TBKBP1: variants seen among roughly 807,000 people sequenced by gnomAD.
TBKBP1 encodes the protein TBK1 binding protein 1, also known as TANK-binding kinase 1-binding protein 1.
A neutral mutation model predicts 69.9 loss-of-function variants in TBKBP1; 47 were observed. That is an observed-to-expected ratio of 0.67 (90% confidence interval 0.53 to 0.86). TBKBP1 has a LOEUF of 0.86. Ranked by LOEUF, TBKBP1 falls within the 40% of genes least tolerant of loss-of-function variation. The pLI is 0.00. For synonymous variants in TBKBP1, 418 were observed against 390.3 expected (o/e 1.07, Z -0.84); for missense variants, 831 against 858.6 (o/e 0.97, Z 0.40).
rs1172194965 is a variant in TBKBP1 at position 47,703,782 on chromosome 17, ATTTACC to A, written c.872+4087_872+4092del. Among the ~76,000 whole-genome samples the A allele has an allele frequency of 2.6e-5, 4 of 151,136 alleles. No individual in the cohort carries two copies. The East Asian group carries it at 7.8e-4, about 29-fold the overall frequency. On this transcript the variant is annotated intron_variant, in intron 7 of 9. Transcript: ENST00000578982. The stretch of plus-strand genomic sequence containing the variant: ...TCCATGCCAGACACTATGCGAGGTG[ATTTACC>A]TACAAAATCTCATTTCATTCTCACA...
At chr17:47,703,826 G>A (rs1041340565) in intron 7 of TBKBP1, among the ~76,000 whole-genome samples, 1 of 152,078 alleles carries the variant, frequency 6.6e-6, no homozygotes. Flanking sequence ...CGTGATGTAG[G>A]TATTGTCCCC....
At chr17:47,705,403 A>T (rs2031661707) in intron 7 of TBKBP1, among the ~76,000 whole-genome samples, 1 of 152,242 alleles carries the variant, frequency 6.6e-6, no homozygotes, top group South Asian at 2.1e-4. Context: ...TTCTCAGCAG[A>T]GTGCCTGGCC....
intron 7 of TBKBP1, among the ~76,000 whole-genome samples, chr17:47,702,422 G>T (rs1011900959): frequency 9.2e-5 from 14 of 152,120 alleles, no homozygotes; most frequent in Admixed American, 7.9e-4. Flanking sequence ...GGTGAACTCT[G>T]TATGTATGTA....
intron 7 of TBKBP1, among the ~76,000 whole-genome samples, chr17:47,705,413 C>A (rs1251075967): frequency 2.6e-5 from 4 of 152,168 alleles, no homozygotes; most frequent in Non-Finnish European, 5.9e-5. Context: ...AGTGCCTGGC[C>A]CCGGGGTGAG....
intron 4 of TBKBP1, among the ~76,000 whole-genome samples, chr17:47,697,715 T>G (rs565618531): frequency 1.3e-5 from 2 of 151,940 alleles, no homozygotes; most frequent in South Asian, 2.1e-4. Flanking sequence ...GCCTATAATC[T>G]CAGCACTTTG....
chr17:47,694,480 C>G (rs1196530033), intron 1 of TBKBP1: 1 of 152,060 alleles, frequency 6.6e-6, no homozygotes, highest in African/African-American at 2.4e-5. Context: ...TGGTCTCGGC[C>G]CCCGAGAGGG....
chr17:47,696,738 G>A lies in TBKBP1; in HGVS notation c.253G>A (p.Glu85Lys), dbSNP rs1425507294. 1.9e-6 allele frequency: 3 copies of A among 1,613,990 alleles called. No homozygotes were observed. Among genetic ancestry groups the A allele is most frequent in the Non-Finnish European group, 2.5e-6 (3 of 1,179,880 alleles). Residue 85 changes from glutamate (E) to lysine (K), a missense_variant, in exon 3 of 10, where the codon GAG becomes AAG. Coordinates refer to ENST00000578982, the MANE Select transcript of TBKBP1 (RefSeq NM_001394755.1). ...KYPLISDFGE[E>K]HGFSLYEIKD... Reference sequence around the variant, plus strand: ...CCCACTGATCAGTGACTTTGGAGAGGAGCATGGCTTTTCTCTGTATGAAAT... The same window carrying A: ...CCCACTGATCAGTGACTTTGGAGAGAAGCATGGCTTTTCTCTGTATGAAAT...
chr17:47,708,575 C>A lies in TBKBP1; in HGVS notation c.991+63C>A. On this transcript the variant is annotated intron_variant, in intron 8 of 9. Coordinates refer to ENST00000578982, the MANE Select transcript of TBKBP1 (RefSeq NM_001394755.1). The surrounding 1 kb of genome is among the most constrained non-coding windows in gnomAD (Gnocchi z 4.4). ...CCCGGGAAGGAGCGGGTAGCCATGG[C>A]AACCATCTTGGTCATGGGGACCACC... is the stretch of plus-strand genomic sequence containing the variant. 1 of 1,576,240 alleles carries A rather than the reference C, an allele frequency of 6.3e-7. No individual in the cohort carries two copies. The highest frequency in any genetic ancestry group is 8.7e-7 in the Non-Finnish European group (1 of 1,151,310).
At chr17:47,697,065 TG>T (rs1253734097) in intron 3 of TBKBP1, 23 bp from the exon 4 acceptor site, 3 of 1,595,358 alleles carry the variant, frequency 1.9e-6, no homozygotes, top group African/African-American at 2.7e-5. Context: ...GACCCTGTGG[TG>T]GGGCCCTCTG....
In TBKBP1 at chr17:47,709,031, C is replaced by T. The variant is rs1204120581; in HGVS notation, c.1298C>T (p.Pro433Leu). The T allele has an allele frequency of 1.2e-5, 15 of 1,245,362 alleles. No homozygotes were observed. Among genetic ancestry groups the T allele is most frequent in the Non-Finnish European group, 1.5e-5 (15 of 990,272 alleles). 77.1% of individuals were successfully genotyped at this position (1,245,362 alleles called of 1,614,324 possible). A position where few individuals can be genotyped will look rare whatever the true frequency, so the allele number is the denominator to read the frequency against. Residue 433 changes from proline to leucine, a missense_variant, in exon 9 of 10, where the codon CCG becomes CTG. Physicochemically the swap from Pro to Leu is moderately conservative, Grantham distance 98. Transcript: ENST00000578982. ...APQPRPPPPP[P>L]PGERTLAERA... ...CAGCCCCGGCCACCGCCGCCGCCCC[C>T]GCCGGGCGAGAGGACGCTGGCCGAG...
chr17:47,695,801 G>A (rs920641051), intron 1 of TBKBP1: 37 of 302,582 alleles, frequency 1.2e-4, no homozygotes, highest in African/African-American at 7.9e-4. Context: ...GGTTCTGGCA[G>A]GAGCCTGCCC....
At chr17:47,706,908 C>A (rs1185604188) in intron 7 of TBKBP1, among the ~76,000 whole-genome samples, 2 of 151,866 alleles carry the variant, frequency 1.3e-5, no homozygotes, top group Non-Finnish European at 2.9e-5. Flanking sequence ...TTTCCTCATT[C>A]ATCAGCCTGG....
chr17:47,696,283 C>T lies in TBKBP1; in HGVS notation c.171C>T (p.Gly57=), dbSNP rs759564387. 1.4e-5 allele frequency: 22 copies of T among 1,613,492 alleles called. No individual in the cohort carries two copies. Among genetic ancestry groups the T allele is most frequent in the Non-Finnish European group, 1.9e-5 (22 of 1,179,830 alleles). Residue 57 remains glycine (G), a synonymous_variant, in exon 2 of 10, where the codon GGC becomes GGT. Coordinates refer to ENST00000578982, the MANE Select transcript of TBKBP1 (RefSeq NM_001394755.1). ...AYGDIKERLG[G]LERENATLRR... ...GAGACATCAAGGAACGGCTGGGGGG[C>T]CTGGAGAGGGAGAACGCCACCCTCC...
At chr17:47,695,200 ACT>A (rs2031173478) in intron 1 of TBKBP1, 1 of 152,780 alleles carries the variant, frequency 6.5e-6, no homozygotes, top group Non-Finnish European at 1.5e-5. Context: ...ACACACCTAC[ACT>A]CATTCACAGA....
At position 47,708,925 on chromosome 17, in the gene TBKBP1, C is replaced by T. The variant is rs2031802601; in HGVS notation, c.1192C>T (p.Arg398Cys). 1.5e-6 allele frequency: 2 copies of T among 1,295,932 alleles called. No individual in the cohort carries two copies. Among genetic ancestry groups the T allele is most frequent in the African/African-American group, 3.2e-5 (2 of 61,858 alleles). The allele number at this position is 1,295,932 out of a possible 1,614,324, so 80.3% of individuals were successfully genotyped here. A position where few individuals can be genotyped will look rare whatever the true frequency, so the allele number is the denominator to read the frequency against. ...CTCCTGCCCGTCGCCCGTCCCGCAG[C>T]GCCGCTCGCCGGTGCCGCCGTCGTG... ...SPSCPSPVPQ[R>C]RSPVPPSCQS... Residue 398 changes from arginine to cysteine, a missense_variant, in exon 9 of 10, where the codon CGC becomes TGC. By Grantham distance (180) the Arg-to-Cys change is radical. Transcript: ENST00000578982. The surrounding 1 kb of genome is among the most constrained non-coding windows in gnomAD (Gnocchi z 4.4).
At chr17:47,707,744 C>T (rs1256731605) in intron 7 of TBKBP1, among the ~76,000 whole-genome samples, 7 of 152,058 alleles carry the variant, frequency 4.6e-5, no homozygotes, top group East Asian at 1.9e-4. Context: ...GCTTTGAGGT[C>T]GAGCCAGGTG....
intron 7 of TBKBP1, among the ~76,000 whole-genome samples, chr17:47,704,137 A>G (rs1385719157): frequency 1.3e-5 from 2 of 152,154 alleles, no homozygotes; most frequent in African/African-American, 2.4e-5. Context: ...CACCCCACCT[A>G]TGTAGGAACC....
intron 7 of TBKBP1, among the ~76,000 whole-genome samples, chr17:47,706,115 G>T (rs2031686774): frequency 6.6e-6 from 1 of 152,154 alleles, no homozygotes; most frequent in Admixed American, 6.5e-5. Flanking sequence ...TCTGAGGCGG[G>T]GTGTGAAGAC....
At chr17:47,698,534 C>G in intron 4 of TBKBP1, 61 bp from the exon 5 acceptor site, 1 of 1,485,016 alleles carries the variant, frequency 6.7e-7, no homozygotes, top group Non-Finnish European at 9.0e-7. Flanking sequence ...GGGGTGATGA[C>G]TCTCCAGACA....
Sources: allele counts gnomAD v4.1 joint callset (sites outside exome capture counted in the v4.1 genomes callset), GRCh38; gene constraint gnomAD v4.1.1; non-coding constraint Gnocchi (gnomAD v3.1); transcripts MANE v1.5; gene names NCBI Gene and HGNC (gene_info 2026-07-23, HGNC 2026-07-21).